Variants in SPATS2L observed in about 807,000 individuals in gnomAD.
The protein encoded by SPATS2L is spermatogenesis associated serine rich 2 like.
A neutral mutation model predicts 59.6 loss-of-function variants in SPATS2L; 30 were observed. That is an observed-to-expected ratio of 0.50 (90% CI 0.38 to 0.68). The LOEUF (loss-of-function observed/expected upper bound fraction) is 0.68, where lower values mean the gene tolerates loss of function less well. SPATS2L is among the 30% of genes least tolerant of loss of function. SPATS2L has a pLI of 0.00. For missense variants in SPATS2L, 615 were observed against 700.0 expected (o/e 0.88, Z 1.37); for synonymous variants, 252 against 263.5 (o/e 0.96, Z 0.42).
At chr2:200,401,304 C>T (rs1299854796) in intron 3 of SPATS2L, among the ~76,000 whole-genome samples, 1 of 152,100 alleles carries the variant, frequency 6.6e-6, no homozygotes, top group Non-Finnish European at 1.5e-5. Flanking sequence ...AAATTCCTCC[C>T]TAATTCCTAA....
At chr2:200,349,560 C>T (rs2080646741) in intron 2 of SPATS2L, among the ~76,000 whole-genome samples, 1 of 152,206 alleles carries the variant, frequency 6.6e-6, no homozygotes, top group African/African-American at 2.4e-5. Context: ...ATCCCTTGAA[C>T]CCAGGAGGCA....
At chr2:200,400,982 C>G (rs1439852219) in intron 3 of SPATS2L, among the ~76,000 whole-genome samples, 2 of 152,180 alleles carry the variant, frequency 1.3e-5, no homozygotes, top group African/African-American at 2.4e-5. Flanking sequence ...CCTGCCTCTC[C>G]CCTTAAAACT....
At chr2:200,472,025 A>G (rs2087083420) in intron 11 of SPATS2L, among the ~76,000 whole-genome samples, 1 of 152,224 alleles carries the variant, frequency 6.6e-6, no homozygotes, top group Non-Finnish European at 1.5e-5. Context: ...TCATCCCAGC[A>G]GAAACCACCA....
rs138506642 is a variant in SPATS2L, at chr2:200,434,312, C to G, written c.446-4810C>G. On this transcript the variant is annotated intron_variant, in intron 6 of 12. Coordinates refer to ENST00000409140, the MANE Select transcript of SPATS2L (RefSeq NM_001100423.2). ...ATGGAAACTCTACAGCTGTGTAATA[C>G]TTGATAAAATACTGAATGCAGTTTC... Among the ~76,000 whole-genome samples, 479 of 152,060 alleles carry G rather than the reference C, an allele frequency of 3.2e-3. 2 individuals are homozygous for G. Among genetic ancestry groups the G allele is most frequent in the African/African-American group, 0.011 (443 of 41,522 alleles).
intron 8 of SPATS2L, among the ~76,000 whole-genome samples, chr2:200,442,226 A>C (rs1314675930): frequency 6.6e-6 from 1 of 152,230 alleles, no homozygotes; most frequent in African/African-American, 2.4e-5. Context: ...TGCTATACAA[A>C]TGAAAATTGT....
chr2:200,422,274 C>T (rs1163557833), intron 6 of SPATS2L, among the ~76,000 whole-genome samples: 1 of 152,176 alleles, frequency 6.6e-6, no homozygotes, highest in African/African-American at 2.4e-5. Flanking sequence ...TGGTGACTCA[C>T]ACTTGTCATC....
intron 1 of SPATS2L, among the ~76,000 whole-genome samples, chr2:200,328,999 A>G (rs2079847074): frequency 6.6e-6 from 1 of 152,144 alleles, no homozygotes; most frequent in Non-Finnish European, 1.5e-5. Context: ...CTGGTGCCTC[A>G]TTTTCCAACA....
In SPATS2L at chr2:200,374,951, T is replaced by A. The variant is rs1158203580; in HGVS notation, c.-22-14272T>A. On this transcript the variant is annotated intron_variant, in intron 2 of 12. Transcript: ENST00000409140. ...TTCATTCAATCTTTAGAAAAATGAT[T>A]TGGAAGAGATTAAACTATGTATTGC... 3.3e-5 allele frequency among the ~76,000 whole-genome samples: 5 copies of A among 152,234 alleles called. No homozygotes were observed. The East Asian group carries it at 9.6e-4, about 29-fold the overall frequency.
chr2:200,388,337 G>A (rs1447154976), intron 2 of SPATS2L, among the ~76,000 whole-genome samples: 1 of 152,006 alleles, frequency 6.6e-6, no homozygotes, highest in African/African-American at 2.4e-5. Context: ...TTGGGAGGCC[G>A]AAGTGGTAGG....
At chr2:200,429,759 T>C (rs1463127894) in intron 6 of SPATS2L, among the ~76,000 whole-genome samples, 1 of 152,186 alleles carries the variant, frequency 6.6e-6, no homozygotes, top group Non-Finnish European at 1.5e-5. Context: ...GTTAACATTC[T>C]ACTAGCTGGC....
chr2:200,436,027 AT>A (rs1200773718), intron 6 of SPATS2L, among the ~76,000 whole-genome samples: 1 of 152,074 alleles, frequency 6.6e-6, no homozygotes, highest in Non-Finnish European at 1.5e-5. Flanking sequence ...GCACATCTCA[AT>A]TTGGACAAGC....
intron 8 of SPATS2L, among the ~76,000 whole-genome samples, chr2:200,448,486 G>T (rs1311813297): frequency 6.6e-6 from 1 of 152,072 alleles, no homozygotes; most frequent in Non-Finnish European, 1.5e-5. Flanking sequence ...AATCATAAGA[G>T]TTCAGTGTGT....
rs181474731 is a variant in SPATS2L at position 200,354,940 on chromosome 2, G to A, written c.-23+25460G>A. On this transcript the variant is annotated intron_variant, in intron 2 of 12. Transcript: ENST00000409140. ...TGACATCTTGCCAGGGTTGTGTTTC[G>A]TAGCTATACATGACATTTAGGAAAT... Among the ~76,000 whole-genome samples, 11 of 152,100 alleles carry A rather than the reference G, an allele frequency of 7.2e-5. No individual in the cohort carries two copies. The East Asian group carries it at 1.2e-3, about 16-fold the overall frequency.
intron 2 of SPATS2L, among the ~76,000 whole-genome samples, chr2:200,381,585 G>C (rs560087816): frequency 6.6e-6 from 1 of 152,350 alleles, no homozygotes; most frequent in African/African-American, 2.4e-5. Context: ...GTCTGTGATA[G>C]TGCGCCTTCT....
chr2:200,311,238 A>G (rs2079183408), intron 1 of SPATS2L, among the ~76,000 whole-genome samples: 1 of 152,256 alleles, frequency 6.6e-6, no homozygotes, highest in Non-Finnish European at 1.5e-5. Context: ...GACATTGGAT[A>G]AAAGGGACAG....
At chr2:200,370,178 A>G (rs540904644) in intron 2 of SPATS2L, among the ~76,000 whole-genome samples, 1 of 152,354 alleles carries the variant, frequency 6.6e-6, no homozygotes, top group South Asian at 2.1e-4. Flanking sequence ...AAAAGAGAAA[A>G]CATAAAAGCT....
intron 3 of SPATS2L, among the ~76,000 whole-genome samples, chr2:200,410,019 C>G (rs757816110): frequency 1.3e-5 from 2 of 151,936 alleles, no homozygotes; most frequent in Non-Finnish European, 2.9e-5. Context: ...TATGTTTATT[C>G]CATAATTCTG....
chr2:200,464,063 G>A (rs540012347), intron 9 of SPATS2L, among the ~76,000 whole-genome samples: 5 of 152,312 alleles, frequency 3.3e-5, no homozygotes, highest in African/African-American at 1.2e-4. Flanking sequence ...AGTCTTGAAT[G>A]CAGTGATAAC....
chr2:200,447,507 C>T (rs777578635), intron 8 of SPATS2L, among the ~76,000 whole-genome samples: 14 of 152,212 alleles, frequency 9.2e-5, no homozygotes, highest in Admixed American at 1.3e-4. Flanking sequence ...ACATATTAGG[C>T]GAAACAGGTC....
Sources: allele counts gnomAD v4.1 joint callset (sites outside exome capture counted in the v4.1 genomes callset), GRCh38; gene constraint gnomAD v4.1.1; transcripts MANE v1.5; gene names NCBI Gene and HGNC (gene_info 2026-07-23, HGNC 2026-07-21).